The following MIPEP variants were observed in gnomAD, a reference collection of about 807,000 sequenced individuals.
MIPEP encodes the protein mitochondrial intermediate peptidase.
In MIPEP, 79 loss-of-function variants were observed where a neutral mutation model predicts 90.3. The observed-to-expected ratio is 0.87, with a 90% CI of 0.73 to 1.05. MIPEP has a LOEUF of 1.05. Ranked by LOEUF, MIPEP falls within the 50% of genes least tolerant of loss-of-function variation. The probability of loss-of-function intolerance (pLI) is 0.00; values close to 1 mark genes in which losing one functional copy is unlikely to be tolerated. For missense variants in MIPEP, 940 were observed against 905.6 expected (o/e 1.04, Z -0.49); for synonymous variants, 334 against 315.8 (o/e 1.06, Z -0.61).
chr13:23,770,876 G>A (rs940103262), intron 16 of MIPEP, among the ~76,000 whole-genome samples: 64 of 152,214 alleles, frequency 4.2e-4, no homozygotes, highest in Non-Finnish European at 4.9e-4. Flanking sequence ...AGCATTGGCC[G>A]TGGCAGCGAG....
intron 8 of MIPEP, among the ~76,000 whole-genome samples, 153 bp downstream of exon 8, chr13:23,863,967 ACATAAGGAAGACAACTATGGC>A (rs1870420780): frequency 1.3e-5 from 2 of 152,248 alleles, no homozygotes; most frequent in South Asian, 4.1e-4. Context: ...CAAGAATGGC[ACATAAGGAAGACAACTATGGC>A]CTTTTAAAGT....
intron 3 of MIPEP, among the ~76,000 whole-genome samples, chr13:23,881,177 C>T (rs1487252395): frequency 2.0e-5 from 3 of 152,344 alleles, no homozygotes; most frequent in Middle Eastern, 3.4e-3. Context: ...CCCTAGACTC[C>T]CCTAATTCCA....
At chr13:23,773,108 C>T (rs1370805298) in intron 16 of MIPEP, among the ~76,000 whole-genome samples, 1 of 152,176 alleles carries the variant, frequency 6.6e-6, no homozygotes, top group South Asian at 2.1e-4. Flanking sequence ...AAGAGAAACC[C>T]CGGGCCCATT....
intron 8 of MIPEP, 28 bp from the exon 9 acceptor site, chr13:23,862,390 T>G: frequency 7.5e-7 from 1 of 1,338,952 alleles, no homozygotes; most frequent in Non-Finnish European, 1.1e-6. Flanking sequence ...CATTACTTGT[T>G]AGGACAAAAT....
At chr13:23,834,948 T>C (rs1868963637) in intron 14 of MIPEP, among the ~76,000 whole-genome samples, 1 of 152,074 alleles carries the variant, frequency 6.6e-6, no homozygotes, top group African/African-American at 2.4e-5. Flanking sequence ...GGATCACAAA[T>C]CTGCCACCGT....
chr13:23,822,620 C>T (rs935092464), intron 14 of MIPEP, among the ~76,000 whole-genome samples: 2 of 152,200 alleles, frequency 1.3e-5, no homozygotes, highest in African/African-American at 4.8e-5. Flanking sequence ...GGGCCCCACC[C>T]TCTTTGTGTA....
chr13:23,888,924 T>C, intron 1 of MIPEP: 1 of 524,180 alleles, frequency 1.9e-6, no homozygotes, highest in Non-Finnish European at 2.9e-6. Flanking sequence ...GACCCGACAC[T>C]CTGGGTAGGA....
Position 23,870,122 on chromosome 13 carries a change from G to GGAAAATT in MIPEP, c.670_676dup (p.Pro226GlnfsTer7). ...TAAGAGATGCTTCTCAATCTTGTTGGGAAAATTGGTTCCCATAAGAAATGT... is the reference window on the plus strand; with the variant it reads ...TAAGAGATGCTTCTCAATCTTGTTGGGAAAATTGAAAATTGGTTCCCATAAGAAATGT... On this transcript the variant is annotated frameshift_variant, in exon 6 of 19. Coordinates refer to ENST00000382172, the MANE Select transcript of MIPEP (RefSeq NM_005932.4). LOFTEE classifies it high-confidence loss of function. 1 of 1,611,686 alleles carries GGAAAATT rather than the reference G, an allele frequency of 6.2e-7. No individual in the cohort carries two copies. The highest frequency in any genetic ancestry group is 8.5e-7 in the Non-Finnish European group (1 of 1,178,788).
At chr13:23,835,355 C>CAA (rs903729998) in intron 14 of MIPEP, among the ~76,000 whole-genome samples, 1 of 142,064 alleles carries the variant, frequency 7.0e-6, no homozygotes. Flanking sequence ...AAATCAAGTC[C>CAA]AAAAAAAAAA....
Position 23,735,838 on chromosome 13 carries a change from C to T in MIPEP, c.2045-5393G>A, listed in dbSNP as rs192697049. On this transcript the variant is annotated intron_variant, in intron 18 of 18. Coordinates refer to ENST00000382172, the MANE Select transcript of MIPEP (RefSeq NM_005932.4). ...TCCTGGGCACACTGTTATGCTAGCCCTGCTCTAATTAGATTTAAATGTTCT... is the reference window on the plus strand; with the variant it reads ...TCCTGGGCACACTGTTATGCTAGCCTTGCTCTAATTAGATTTAAATGTTCT... 3.9e-4 allele frequency among the ~76,000 whole-genome samples: 59 copies of T among 152,078 alleles called. 2 individuals are homozygous for T. In the East Asian group the frequency reaches 0.011, roughly 27 times the overall value.
intron 14 of MIPEP, among the ~76,000 whole-genome samples, chr13:23,822,456 A>C (rs1365637439): frequency 6.6e-6 from 1 of 152,236 alleles, no homozygotes; most frequent in Non-Finnish European, 1.5e-5. Flanking sequence ...GGGTAACCAA[A>C]TGCTCCTATT....
At position 23,827,406 on chromosome 13, in the gene MIPEP, T is replaced by C. The variant is rs148191321; in HGVS notation, c.1653+8834A>G. Among the ~76,000 whole-genome samples the C allele has an allele frequency of 2.4e-3, 370 of 152,324 alleles. 3 individuals are homozygous for C. The highest frequency in any genetic ancestry group is 2.3e-3 in the Non-Finnish European group (157 of 68,038). The stretch of plus-strand genomic sequence containing the variant: ...AGAAAAGAAAGCCCAAAGAGGCTTA[T>C]GACTAGTAAGGATTCAGTCATTTAA... On this transcript the variant is annotated intron_variant, in intron 14 of 18. Transcript: ENST00000382172.
intron 17 of MIPEP, among the ~76,000 whole-genome samples, chr13:23,758,182 T>C (rs1476710716): frequency 2.6e-5 from 4 of 152,134 alleles, no homozygotes; most frequent in Non-Finnish European, 5.9e-5. Flanking sequence ...CCTGGGGTGC[T>C]CTGAGGCCCT....
chr13:23,763,921 C>T (rs183301529), intron 16 of MIPEP, among the ~76,000 whole-genome samples: 217 of 152,336 alleles, frequency 1.4e-3, no homozygotes, highest in Non-Finnish European at 2.5e-3. Context: ...AACACAATTG[C>T]TGAATTCCTG....
At chr13:23,831,527 C>A (rs1868764765) in intron 14 of MIPEP, among the ~76,000 whole-genome samples, 1 of 152,140 alleles carries the variant, frequency 6.6e-6, no homozygotes. Flanking sequence ...GGCAACACAT[C>A]CGGCAGCTCC....
At chr13:23,841,225 G>T in intron 11 of MIPEP, 110 bp downstream of exon 11, 2 of 879,518 alleles carry the variant, frequency 2.3e-6, no homozygotes, top group Non-Finnish European at 3.4e-6. Flanking sequence ...ATAAGGCAGG[G>T]GACACACTCA....
intron 16 of MIPEP, among the ~76,000 whole-genome samples, chr13:23,797,966 A>G (rs975798340): frequency 7.2e-5 from 11 of 152,226 alleles, no homozygotes; most frequent in African/African-American, 2.7e-4. Context: ...TAGCAAATAC[A>G]CATCTAAAAG....
intron 14 of MIPEP, among the ~76,000 whole-genome samples, chr13:23,831,355 C>T (rs767553775): frequency 5.7e-5 from 6 of 105,600 alleles, no homozygotes; most frequent in Middle Eastern, 5.8e-3. Flanking sequence ...ATGATCTGGG[C>T]GTCGGGGACA....
At chr13:23,741,838 T>A (rs116062654) in intron 18 of MIPEP, among the ~76,000 whole-genome samples, 1,502 of 144,934 alleles carry the variant, frequency 0.01, 25 homozygotes, top group African/African-American at 0.035. Context: ...AAAAAAAAAA[T>A]AAAAGTTAAA....
Sources: allele counts gnomAD v4.1 joint callset (sites outside exome capture counted in the v4.1 genomes callset), GRCh38; gene constraint gnomAD v4.1.1; transcripts MANE v1.5; gene names NCBI Gene and HGNC (gene_info 2026-07-23, HGNC 2026-07-21).